The following ZBTB16 variants were observed in gnomAD, a reference collection of about 807,000 sequenced individuals.
ZBTB16 encodes the protein zinc finger and BTB domain-containing protein 16.
ZBTB16 carries 8 observed loss-of-function variants against 56.8 expected under a neutral mutation model. That is an observed-to-expected ratio of 0.14 (90% CI 0.08 to 0.25). The LOEUF is 0.25. ZBTB16 is among the 10% of genes least tolerant of loss of function. The pLI, the probability that ZBTB16 is intolerant of heterozygous loss-of-function variation, is 1.00. For missense variants in ZBTB16, 625 were observed against 903.0 expected (o/e 0.69, Z 3.95); for synonymous variants, 363 against 368.5 (o/e 0.98, Z 0.17).
intron 2 of ZBTB16, among the ~76,000 whole-genome samples, chr11:114,093,404 C>T (rs899547955): frequency 2.0e-5 from 3 of 152,200 alleles, no homozygotes; most frequent in South Asian, 2.1e-4. Flanking sequence ...TTTTGTTCCC[C>T]GATTCCCCTC....
At chr11:114,177,965 A>T (rs1943157180) in intron 3 of ZBTB16, among the ~76,000 whole-genome samples, 1 of 152,204 alleles carries the variant, frequency 6.6e-6, no homozygotes, top group African/African-American at 2.4e-5. Context: ...TAAAAACATA[A>T]ATCATCTCAA....
intron 2 of ZBTB16, among the ~76,000 whole-genome samples, chr11:114,119,989 A>G (rs1941296915): frequency 6.6e-6 from 1 of 152,098 alleles, no homozygotes. Flanking sequence ...TAGAGAAGGG[A>G]TTTCTTGGAG....
At chr11:114,154,179 T>C (rs1942346391) in intron 2 of ZBTB16, among the ~76,000 whole-genome samples, 1 of 152,232 alleles carries the variant, frequency 6.6e-6, no homozygotes, top group African/African-American at 2.4e-5. Context: ...GAGTTTAGCC[T>C]GGTGGTGGCT....
rs397734160 is a variant in ZBTB16, at chr11:114,107,915, C to CTTT, written c.1268+43357_1268+43359dup. 1.0e-4 allele frequency among the ~76,000 whole-genome samples: 15 copies of CTTT among 143,636 alleles called. No homozygotes were observed. In the Middle Eastern group the frequency reaches 0.015, roughly 145 times the overall value. The allele number at this position is 143,636 out of a possible 152,430, so 94.2% of individuals were successfully genotyped here. ...CAGAAAATACAGTGGAAATTTGGGA[C>CTTT]TTTTTTTTTTTTAAAGCCTGTGTTC... On this transcript the variant is annotated intron_variant, in intron 2 of 6. Transcript: ENST00000335953.
At chr11:114,142,645 C>G (rs1408685718) in intron 2 of ZBTB16, among the ~76,000 whole-genome samples, 2 of 152,088 alleles carry the variant, frequency 1.3e-5, no homozygotes, top group Non-Finnish European at 2.9e-5. Context: ...TGTATTCAGT[C>G]TATTTGAGGG....
At position 114,192,749 on chromosome 11, in the gene ZBTB16, C is replaced by T. The variant is rs138881630; in HGVS notation, c.1453+5711C>T. On this transcript the variant is annotated intron_variant, in intron 4 of 6. Coordinates refer to ENST00000335953, the MANE Select transcript of ZBTB16 (RefSeq NM_006006.6). ...GTTGTCATGAAAGCAAGGGGAGAAC[C>T]GGGTCTCCCAGGGTCCCAGCCATTT... 3.6e-4 allele frequency among the ~76,000 whole-genome samples: 55 copies of T among 152,274 alleles called. No homozygotes were observed. In the East Asian group the frequency reaches 8.1e-3, roughly 22 times the overall value.
At chr11:114,242,547 T>C (rs1944731505) in intron 5 of ZBTB16, among the ~76,000 whole-genome samples, 1 of 152,174 alleles carries the variant, frequency 6.6e-6, no homozygotes, top group Non-Finnish European at 1.5e-5. Context: ...AGTCTTTCCG[T>C]GTTCAACACA....
intron 3 of ZBTB16, among the ~76,000 whole-genome samples, chr11:114,179,453 G>A (rs557933540): frequency 2.2e-4 from 34 of 152,288 alleles, no homozygotes; most frequent in Admixed American, 1.6e-3. Context: ...AATGCCCTGC[G>A]TCTGTACTCA....
chr11:114,085,551 A>C (rs1939930882), intron 2 of ZBTB16, among the ~76,000 whole-genome samples: 1 of 152,166 alleles, frequency 6.6e-6, no homozygotes, highest in Non-Finnish European at 1.5e-5. Flanking sequence ...ATTAAATATT[A>C]TATAAGTGAG....
intron 2 of ZBTB16, among the ~76,000 whole-genome samples, chr11:114,067,186 G>A (rs1939150701): frequency 6.6e-6 from 1 of 152,148 alleles, no homozygotes; most frequent in South Asian, 2.1e-4. Context: ...GTGGAGAACT[G>A]ACCATCTGTC....
At chr11:114,236,876 A>G (rs2135188422) in intron 4 of ZBTB16, among the ~76,000 whole-genome samples, 1 of 152,346 alleles carries the variant, frequency 6.6e-6, no homozygotes, top group East Asian at 1.9e-4. Flanking sequence ...AATAAATGCA[A>G]TACAGGGCTT....
At chr11:114,191,901 A>C (rs573868702) in intron 4 of ZBTB16, among the ~76,000 whole-genome samples, 3 of 152,336 alleles carry the variant, frequency 2.0e-5, no homozygotes, top group East Asian at 3.9e-4. Context: ...GGAGAATGAC[A>C]TGACTTGATT....
intron 2 of ZBTB16, among the ~76,000 whole-genome samples, chr11:114,101,834 A>G (rs143852159): frequency 3.7e-3 from 569 of 152,330 alleles, no homozygotes; most frequent in Non-Finnish European, 6.9e-3. Flanking sequence ...GTCATTGCCT[A>G]TAGGGAGATA....
chr11:114,074,949 A>C (rs985577561), intron 2 of ZBTB16, among the ~76,000 whole-genome samples: 4 of 151,828 alleles, frequency 2.6e-5, no homozygotes, highest in Admixed American at 2.6e-4. Flanking sequence ...GGGCGACTTA[A>C]CCGTTTCCAT....
chr11:114,153,023 C>G (rs1220469754), intron 2 of ZBTB16, among the ~76,000 whole-genome samples: 1 of 152,136 alleles, frequency 6.6e-6, no homozygotes, highest in African/African-American at 2.4e-5. Context: ...ACTGTGAGTT[C>G]ACACAAATTT....
intron 2 of ZBTB16, among the ~76,000 whole-genome samples, chr11:114,079,868 T>C (rs1004148877): frequency 6.6e-6 from 1 of 152,088 alleles, no homozygotes; most frequent in Non-Finnish European, 1.5e-5. Flanking sequence ...GGACTCCCAG[T>C]GAGGAAGGAG....
chr11:114,210,754 C>T (rs778856471), intron 4 of ZBTB16: 6 of 217,852 alleles, frequency 2.8e-5, no homozygotes, highest in Non-Finnish European at 4.6e-5. Flanking sequence ...GTGTTCACTG[C>T]CAGGGCTCTT....
chr11:114,079,624 CT>C lies in ZBTB16; in HGVS notation c.1268+15060del, dbSNP rs759870034. Among the ~76,000 whole-genome samples the C allele has an allele frequency of 1.3e-4, 20 of 152,250 alleles. No homozygotes were observed. In the South Asian group the frequency reaches 1.5e-3, roughly 11 times the overall value. ...TGTGTGCCGCATTCTTTTGCTTTGC[CT>C]TTTGGGAGGGTAGATGTGACTATTG... is the stretch of plus-strand genomic sequence containing the variant. On this transcript the variant is annotated intron_variant, in intron 2 of 6. Coordinates refer to ENST00000335953, the MANE Select transcript of ZBTB16 (RefSeq NM_006006.6).
chr11:114,205,161 G>A (rs1488655610), intron 4 of ZBTB16, among the ~76,000 whole-genome samples: 1 of 152,080 alleles, frequency 6.6e-6, no homozygotes, highest in Non-Finnish European at 1.5e-5. Flanking sequence ...TGTAATCCCA[G>A]CACTTTGGGA....
Sources: allele counts gnomAD v4.1 joint callset (sites outside exome capture counted in the v4.1 genomes callset), GRCh38; gene constraint gnomAD v4.1.1; transcripts MANE v1.5; gene names NCBI Gene and HGNC (gene_info 2026-07-23, HGNC 2026-07-21).